SCMH1: variants seen among roughly 807,000 people sequenced by gnomAD.
SCMH1 encodes the protein polycomb protein SCMH1.
SCMH1 carries 37 observed loss-of-function variants against 70.8 expected under a neutral mutation model. That is an observed-to-expected ratio of 0.52 (90% CI 0.40 to 0.69). The LOEUF (loss-of-function observed/expected upper bound fraction) is 0.69. SCMH1 is among the 30% of genes least tolerant of loss of function. The pLI is 0.00. For synonymous variants in SCMH1, 292 were observed against 307.4 expected (o/e 0.95, Z 0.52); for missense variants, 607 against 827.3 (o/e 0.73, Z 3.27).
At chr1:41,150,084 C>T (rs1268501435) in intron 5 of SCMH1, among the ~76,000 whole-genome samples, 1 of 152,130 alleles carries the variant, frequency 6.6e-6, no homozygotes, top group Non-Finnish European at 1.5e-5. Context: ...CATGAGTTCC[C>T]TTTCCCTGGG....
At chr1:41,037,038 TAA>T (rs1645398322) in intron 13 of SCMH1, among the ~76,000 whole-genome samples, 1 of 149,102 alleles carries the variant, frequency 6.7e-6, no homozygotes, top group Admixed American at 6.6e-5. Context: ...ACCTTGAAGA[TAA>T]AAAGTGACTG....
At chr1:41,232,924 C>A (rs1444810708) in intron 1 of SCMH1, among the ~76,000 whole-genome samples, 3 of 152,204 alleles carry the variant, frequency 2.0e-5, no homozygotes, top group Non-Finnish European at 4.4e-5. Flanking sequence ...TAATACATGT[C>A]TGCTATGTGG....
chr1:41,092,263 G>C (rs1005016151), intron 8 of SCMH1, among the ~76,000 whole-genome samples: 16 of 152,158 alleles, frequency 1.1e-4, no homozygotes, highest in African/African-American at 3.9e-4. Flanking sequence ...AGAAAAACAA[G>C]AAATAGGGAA....
intron 8 of SCMH1, among the ~76,000 whole-genome samples, chr1:41,076,900 A>G (rs886688704): frequency 1.6e-4 from 25 of 152,156 alleles, no homozygotes; most frequent in African/African-American, 5.8e-4. Flanking sequence ...ATATAAAGGG[A>G]AGCCACTAGA....
At chr1:41,202,285 T>C (rs993020469) in intron 1 of SCMH1, among the ~76,000 whole-genome samples, 1 of 151,962 alleles carries the variant, frequency 6.6e-6, no homozygotes, top group Admixed American at 6.6e-5. Context: ...CTGCCTGCCT[T>C]GGCCTCCCAA....
chr1:41,065,328 G>A (rs1041078730), intron 10 of SCMH1, among the ~76,000 whole-genome samples: 4 of 152,168 alleles, frequency 2.6e-5, no homozygotes, highest in African/African-American at 4.8e-5. Context: ...AATTAGCTAG[G>A]TATAGTGGCA....
At chr1:41,096,244 C>G (rs771558147) in intron 8 of SCMH1, among the ~76,000 whole-genome samples, 4 of 152,136 alleles carry the variant, frequency 2.6e-5, no homozygotes, top group Non-Finnish European at 4.4e-5. Context: ...CTTATGTCAT[C>G]TAGTTTAACC....
intron 8 of SCMH1, among the ~76,000 whole-genome samples, chr1:41,107,551 T>C (rs1446448226): frequency 1.3e-5 from 2 of 152,080 alleles, no homozygotes; most frequent in Admixed American, 1.3e-4. Context: ...GACAGAGTCT[T>C]GCTCTGTCAC....
intron 1 of SCMH1, among the ~76,000 whole-genome samples, chr1:41,191,995 T>C (rs1651829788): frequency 6.6e-6 from 1 of 152,234 alleles, no homozygotes; most frequent in Non-Finnish European, 1.5e-5. Flanking sequence ...GCTCTTCAAG[T>C]ATTTTAGGAC....
At chr1:41,161,263 ATTGAG>A (rs1646004142) in intron 3 of SCMH1, 96 bp downstream of exon 3, 2 of 1,515,892 alleles carry the variant, frequency 1.3e-6, no homozygotes, top group Non-Finnish European at 1.8e-6. Flanking sequence ...TGATATAACA[ATTGAG>A]TTATTTGTAA....
intron 4 of SCMH1, chr1:41,152,722 CATGCAAA>C: frequency 1.2e-6 from 2 of 1,607,500 alleles, no homozygotes; most frequent in Non-Finnish European, 1.7e-6. Context: ...CCCTTTGGGC[CATGCAAA>C]AAGCACTAGA....
intron 4 of SCMH1, among the ~76,000 whole-genome samples, chr1:41,158,817 CAG>C (rs1645783258): frequency 6.6e-6 from 1 of 152,028 alleles, no homozygotes; most frequent in Non-Finnish European, 1.5e-5. Context: ...ATGAAAGCGG[CAG>C]AGTGGCAATG....
exon 14 of SCMH1, chr1:41,028,715 A>T: frequency 1.2e-6 from 2 of 1,614,038 alleles, no homozygotes; most frequent in South Asian, 1.1e-5. Context: ...CTCTCCAGGT[A>T]TCGGTCCGAC....
chr1:41,078,710 G>A (rs1002729218), intron 8 of SCMH1, among the ~76,000 whole-genome samples: 4 of 152,102 alleles, frequency 2.6e-5, no homozygotes, highest in Non-Finnish European at 5.9e-5. Flanking sequence ...AGAAATAAAG[G>A]TAAAATAATG....
intron 8 of SCMH1, among the ~76,000 whole-genome samples, chr1:41,104,331 A>AG (rs761734051): frequency 2.0e-5 from 3 of 152,214 alleles, no homozygotes; most frequent in Non-Finnish European, 2.9e-5. Flanking sequence ...ATAAGGACAG[A>AG]GACTATATGC....
At chr1:41,182,929 A>G (rs891283210) in intron 2 of SCMH1, among the ~76,000 whole-genome samples, 4 of 152,234 alleles carry the variant, frequency 2.6e-5, no homozygotes, top group African/African-American at 9.6e-5. Context: ...AAGAGAATAC[A>G]GCATCTGATA....
chr1:41,048,709 A>G (rs1483181533), exon 11 of SCMH1: 3 of 1,614,012 alleles, frequency 1.9e-6, no homozygotes, highest in South Asian at 2.2e-5. Flanking sequence ...CCTCACCACC[A>G]TGGCCTTGCT....
chr1:41,067,799 A>G (rs895012543), intron 10 of SCMH1, among the ~76,000 whole-genome samples: 1 of 152,212 alleles, frequency 6.6e-6, no homozygotes, highest in Non-Finnish European at 1.5e-5. Context: ...CAAACTATGG[A>G]CATGGGTGAT....
intron 6 of SCMH1, among the ~76,000 whole-genome samples, chr1:41,128,526 C>A (rs572708552): frequency 4.3e-4 from 66 of 152,190 alleles, no homozygotes; most frequent in Middle Eastern, 3.4e-3. Context: ...AAGTTGCTGT[C>A]ATTCTTTGTT....
Sources: gnomAD v4.1 joint callset for allele counts (sites outside exome capture counted in the v4.1 genomes callset) on GRCh38, gnomAD v4.1.1 for gene constraint, MANE v1.5 for transcripts, NCBI Gene and HGNC (gene_info 2026-07-23, HGNC 2026-07-21) for gene names.